CADM1: variants seen among roughly 807,000 people sequenced by gnomAD.
The protein encoded by CADM1 is TSLC-1.
In CADM1, 15 loss-of-function variants were observed where a neutral mutation model predicts 53.1. That is an observed-to-expected ratio of 0.28 (90% confidence interval 0.19 to 0.44). The LOEUF is 0.44. Ranked by LOEUF, CADM1 falls within the 20% of genes least tolerant of loss-of-function variation. CADM1 has a pLI of 1.00. For synonymous variants in CADM1, 281 were observed against 243.0 expected (o/e 1.16, Z -1.45); for missense variants, 434 against 611.3 (o/e 0.71, Z 3.06).
chr11:115,398,157 G>A (rs1457854071), intron 1 of CADM1, among the ~76,000 whole-genome samples: 1 of 152,178 alleles, frequency 6.6e-6, no homozygotes, highest in Non-Finnish European at 1.5e-5. Flanking sequence ...CAATGGCAGT[G>A]GCACAACACA....
chr11:115,314,977 C>A (rs1378583683), intron 1 of CADM1, among the ~76,000 whole-genome samples: 2 of 152,146 alleles, frequency 1.3e-5, no homozygotes, highest in Non-Finnish European at 2.9e-5. Flanking sequence ...TCCAACCAAG[C>A]AACTGGGATG....
chr11:115,268,769 C>A (rs1044310278), intron 1 of CADM1, among the ~76,000 whole-genome samples: 5 of 152,216 alleles, frequency 3.3e-5, no homozygotes, highest in Non-Finnish European at 7.3e-5. Flanking sequence ...TGTGCTCTCC[C>A]GTTCCTGAGC....
rs1324386369 is a variant in CADM1, at chr11:115,293,981, A to AT, written c.125-53562dup. ...AGGTAAATAAGGAAATTAAAACAAC[A>AT]TATCTTAAGTTATTTCACAAGCAAG... On this transcript the variant is annotated intron_variant, in intron 1 of 11. Coordinates refer to ENST00000331581, the MANE Select transcript of CADM1 (RefSeq NM_001301043.2). Among the ~76,000 whole-genome samples the AT allele has an allele frequency of 2.6e-5, 4 of 152,212 alleles. No homozygotes were observed. In the East Asian group the frequency reaches 7.7e-4, roughly 29 times the overall value.
intron 2 of CADM1, 92 bp downstream of exon 2, chr11:115,240,182 A>C: frequency 8.4e-7 from 1 of 1,190,236 alleles, no homozygotes; most frequent in Non-Finnish European, 1.2e-6. Context: ...ATCTAACATT[A>C]AATTTAAAAA....
intron 1 of CADM1, among the ~76,000 whole-genome samples, chr11:115,462,546 G>A (rs1251717929): frequency 6.6e-6 from 1 of 152,010 alleles, no homozygotes; most frequent in Non-Finnish European, 1.5e-5. Flanking sequence ...ATCTCACACA[G>A]AATTAAAACA....
At chr11:115,364,805 C>T (rs1241224750) in intron 1 of CADM1, among the ~76,000 whole-genome samples, 1 of 152,156 alleles carries the variant, frequency 6.6e-6, no homozygotes, top group Admixed American at 6.5e-5. Context: ...ATACCACATA[C>T]ATAATATATG....
chr11:115,466,907 G>A lies in CADM1; in HGVS notation c.124+37364C>T, dbSNP rs1409737291. ...ATATACACTGCGGAAAGCACCACCCGAACTTACAGGAAACCTGTGAGTACA... is the reference window on the plus strand; with the variant it reads ...ATATACACTGCGGAAAGCACCACCCAAACTTACAGGAAACCTGTGAGTACA... On this transcript the variant is annotated intron_variant, in intron 1 of 11. Coordinates refer to ENST00000331581, the MANE Select transcript of CADM1 (RefSeq NM_001301043.2). 2.6e-5 allele frequency among the ~76,000 whole-genome samples: 4 copies of A among 152,078 alleles called. No homozygotes were observed. The East Asian group carries it at 5.8e-4, about 22-fold the overall frequency.
At position 115,209,582 on chromosome 11, in the gene CADM1, A is replaced by G; in HGVS notation, c.1070T>C (p.Ile357Thr). 1.1e-6 allele frequency: 1 copy of G among 885,642 alleles called. No individual in the cohort carries two copies. 54.9% of individuals were successfully genotyped at this position (885,642 alleles called of 1,614,324 possible). A position where few individuals can be genotyped will look rare whatever the true frequency, so the allele number is the denominator to read the frequency against. ...TAATGAAGATACCATACCTGTGATGATGGTAAGGATGGTGGTGGTGGTGGT... is the reference window on the plus strand; with the variant it reads ...TAATGAAGATACCATACCTGTGATGGTGGTAAGGATGGTGGTGGTGGTGGT... ...TTTTTTTILT[I>T]ITDTTATTEP... Residue 357 changes from isoleucine to threonine, a missense_variant, in exon 8 of 12, where the codon ATC (isoleucine) becomes ACC (threonine). Physicochemically the swap from Ile to Thr is moderately conservative, Grantham distance 89 (BLOSUM62 -1). Coordinates refer to ENST00000331581, the MANE Select transcript of CADM1 (RefSeq NM_001301043.2).
intron 4 of CADM1, 58 bp downstream of exon 4, chr11:115,231,295 A>T: frequency 6.3e-7 from 1 of 1,583,806 alleles, no homozygotes; most frequent in Non-Finnish European, 8.7e-7. Flanking sequence ...TGATTTTCAC[A>T]AAGGCATATC....
chr11:115,361,810 T>A (rs1402576162), intron 1 of CADM1, among the ~76,000 whole-genome samples: 1 of 152,098 alleles, frequency 6.6e-6, no homozygotes, highest in East Asian at 1.9e-4. Context: ...TATTGCAGCC[T>A]CGACCTCCTG....
At chr11:115,314,252 AT>A (rs1348911416) in intron 1 of CADM1, among the ~76,000 whole-genome samples, 1 of 152,126 alleles carries the variant, frequency 6.6e-6, no homozygotes, top group Non-Finnish European at 1.5e-5. Flanking sequence ...GAAAGGGCAC[AT>A]GGGGGGACAC....
At chr11:115,315,664 T>G (rs1488481979) in intron 1 of CADM1, among the ~76,000 whole-genome samples, 2 of 118,478 alleles carry the variant, frequency 1.7e-5, no homozygotes, top group Non-Finnish European at 3.3e-5. Flanking sequence ...CACATATGTT[T>G]AGCCAAAAAA....
intron 5 of CADM1, among the ~76,000 whole-genome samples, chr11:115,223,215 G>A (rs1001144040): frequency 1.3e-5 from 2 of 152,176 alleles, no homozygotes; most frequent in African/African-American, 4.8e-5. Context: ...CTTTTGGAAG[G>A]TCAATCCAGC....
intron 1 of CADM1, among the ~76,000 whole-genome samples, chr11:115,477,285 T>C (rs1949156459): frequency 6.6e-6 from 1 of 151,960 alleles, no homozygotes; most frequent in South Asian, 2.1e-4. Context: ...GAAAAAAAAA[T>C]TAAACACTGC....
At chr11:115,421,780 G>A (rs770334135) in intron 1 of CADM1, among the ~76,000 whole-genome samples, 1 of 152,186 alleles carries the variant, frequency 6.6e-6, no homozygotes, top group Non-Finnish European at 1.5e-5. Flanking sequence ...TCACTCAAAT[G>A]AACTTGACAG....
intron 5 of CADM1, among the ~76,000 whole-genome samples, chr11:115,227,011 T>C (rs947180432): frequency 9.9e-5 from 15 of 152,260 alleles, no homozygotes; most frequent in Non-Finnish European, 2.2e-4. Flanking sequence ...ATTGTAATTA[T>C]CTTAGCTTTC....
intron 1 of CADM1, among the ~76,000 whole-genome samples, chr11:115,291,548 A>G (rs1048220479): frequency 6.6e-6 from 1 of 152,182 alleles, no homozygotes; most frequent in African/African-American, 2.4e-5. Context: ...CAGTAGCATG[A>G]CCTTTCACTT....
intron 8 of CADM1, among the ~76,000 whole-genome samples, chr11:115,205,830 G>C (rs754862503): frequency 6.6e-6 from 1 of 152,138 alleles, no homozygotes; most frequent in Admixed American, 6.5e-5. Flanking sequence ...CTGTTTTATA[G>C]TTGGAAAAAA....
intron 5 of CADM1, among the ~76,000 whole-genome samples, chr11:115,223,666 C>A (rs777884445): frequency 6.6e-6 from 1 of 152,132 alleles, no homozygotes; most frequent in Admixed American, 6.6e-5. Flanking sequence ...ATTTGCCCAA[C>A]ACTCACTCTT....
Sources: gnomAD v4.1 joint callset for allele counts (sites outside exome capture counted in the v4.1 genomes callset) on GRCh38, gnomAD v4.1.1 for gene constraint, MANE v1.5 for transcripts, NCBI Gene and HGNC (gene_info 2026-07-23, HGNC 2026-07-21) for gene names.